Variants in ARVCF observed in about 807,000 individuals in gnomAD.
ARVCF encodes the protein ARVCF delta catenin family member.
A neutral mutation model predicts 90.9 loss-of-function variants in ARVCF; 66 were observed. The ratio of observed to expected loss-of-function variants is 0.73; its 90% CI spans 0.60 to 0.89. ARVCF has a LOEUF of 0.89. Ranked by LOEUF, ARVCF falls within the 40% of genes least tolerant of loss-of-function variation. The probability of loss-of-function intolerance (pLI) is 0.00; values close to 1 mark genes in which losing one functional copy is unlikely to be tolerated. For synonymous variants in ARVCF, 653 were observed against 603.4 expected (o/e 1.08, Z -1.21); for missense variants, 1,469 against 1,382.3 (o/e 1.06, Z -1.00).
intron 2 of ARVCF, among the ~76,000 whole-genome samples, chr22:19,992,119 C>T (rs1050387150): frequency 2.6e-5 from 4 of 152,210 alleles, no homozygotes; most frequent in Admixed American, 2.0e-4. Context: ...GACATGGGTG[C>T]ACCTCATAGG....
At chr22:19,972,024 G>A (rs1942837331) in intron 17 of ARVCF, 53 bp from the exon 18 acceptor site, 1 of 1,485,336 alleles carries the variant, frequency 6.7e-7, no homozygotes, top group Non-Finnish European at 9.2e-7. Flanking sequence ...AGGCCCTGTA[G>A]GAGCAGATCT....
rs1366042183 is a variant in ARVCF at position 19,980,084 on chromosome 22, T to C, written c.1055A>G (p.Glu352Gly). 1.9e-6 allele frequency: 3 copies of C among 1,583,524 alleles called. No individual in the cohort carries two copies. Among genetic ancestry groups the C allele is most frequent in the African/African-American group, 2.7e-5 (2 of 74,312 alleles). The change falls in exon 6 of 20, where the codon GAG becomes GGG. Residue 352 changes from glutamate (E) to glycine (G), a missense_variant. Physicochemically the swap from Glu to Gly is moderately conservative, Grantham distance 98. Transcript: ENST00000263207. ...RSPSVDSARK[E>G]PRWRDPELPE... Reference sequence around the variant, plus strand: ...CAGCTCAGGGTCCCGCCAGCGCGGCTCCTTGCGGGCGCTATCCACTGAGGG... The same window carrying C: ...CAGCTCAGGGTCCCGCCAGCGCGGCCCCTTGCGGGCGCTATCCACTGAGGG...
chr22:19,973,730 G>A lies in ARVCF; in HGVS notation c.2152C>T (p.Leu718=). ...ACCACCTTGTCGGTCTCAGACTGCA[G>A]CAGTTCCACAAGCACCGGCAGCCCG... ...ERGLPVLVEL[L]QSETDKVVRA... is the part of the protein sequence containing the mutation. The change falls in exon 13 of 20, where the codon CTG becomes TTG. Residue 718 remains leucine, a synonymous_variant. Transcript: ENST00000263207. 1 of 1,609,564 alleles carries A rather than the reference G, an allele frequency of 6.2e-7. No individual in the cohort carries two copies. The highest frequency in any genetic ancestry group is 8.5e-7 in the Non-Finnish European group (1 of 1,179,920).
chr22:20,000,994 G>C (rs2159268), intron 2 of ARVCF, among the ~76,000 whole-genome samples: 139,029 of 152,234 alleles, frequency 0.91, 64,077 homozygotes, highest in African/African-American at 0.98. Flanking sequence ...AGCACACCCA[G>C]GCACAGGGAC....
At chr22:19,997,484 G>A (rs761426450) in intron 2 of ARVCF, among the ~76,000 whole-genome samples, 1 of 152,228 alleles carries the variant, frequency 6.6e-6, no homozygotes, top group Non-Finnish European at 1.5e-5. Flanking sequence ...GGAGACATGA[G>A]ATGGGGTGGA....
intron 10 of ARVCF, among the ~76,000 whole-genome samples, chr22:19,976,490 T>G (rs2146272306): frequency 6.6e-6 from 1 of 152,172 alleles, no homozygotes; most frequent in South Asian, 2.1e-4. Flanking sequence ...CCCCGGGCCC[T>G]GCCCACTCTT....
intron 7 of ARVCF, 83 bp downstream of exon 7, chr22:19,978,814 C>T (rs896434654): frequency 6.9e-5 from 102 of 1,484,598 alleles, no homozygotes; most frequent in Middle Eastern, 2.5e-4. Context: ...CTCCTAAGCT[C>T]GCCGCCATCT....
At chr22:19,998,196 G>A (rs947377272) in intron 2 of ARVCF, among the ~76,000 whole-genome samples, 2 of 152,222 alleles carry the variant, frequency 1.3e-5, no homozygotes, top group African/African-American at 2.4e-5. Flanking sequence ...CACCACGCTG[G>A]CCACCAGCCT....
intron 3 of ARVCF, among the ~76,000 whole-genome samples, chr22:19,985,494 C>T (rs781662036): frequency 1.3e-5 from 2 of 152,252 alleles, no homozygotes; most frequent in African/African-American, 4.8e-5. Context: ...GGCCCCATCA[C>T]GCACCTTCGG....
chr22:19,976,808 T>A, intron 9 of ARVCF, 85 bp from the exon 10 acceptor site: 9 of 1,481,484 alleles, frequency 6.1e-6, no homozygotes, highest in Non-Finnish European at 8.3e-6. Context: ...CCCGGAAGCC[T>A]CAGGTTCCCA....
At chr22:20,004,531 C>A (rs1944553646) in intron 2 of ARVCF, among the ~76,000 whole-genome samples, 1 of 151,664 alleles carries the variant, frequency 6.6e-6, no homozygotes, top group Non-Finnish European at 1.5e-5. Context: ...ACATTGTTTG[C>A]AGAAACAGAG....
At chr22:19,982,173 C>G (rs2240716) in intron 3 of ARVCF, 82 bp from the exon 4 acceptor site, 2 of 1,545,318 alleles carry the variant, frequency 1.3e-6, no homozygotes, top group African/African-American at 1.4e-5. Context: ...AGCAGCTCTG[C>G]CTCAGCTCAT....
At chr22:19,979,104 T>C in intron 6 of ARVCF, 24 bp from the exon 7 acceptor site, 1 of 1,599,686 alleles carries the variant, frequency 6.3e-7, no homozygotes, top group Non-Finnish European at 8.5e-7. Flanking sequence ...TTGGCCAATC[T>C]GTGCTGACCA....
chr22:19,971,245 C>A lies in ARVCF; in HGVS notation c.2872G>T (p.Val958Phe). 1 of 1,555,286 alleles carries A rather than the reference C, an allele frequency of 6.4e-7. No homozygotes were observed. The highest frequency in any genetic ancestry group is 8.7e-7 in the Non-Finnish European group (1 of 1,148,648). Residue 958 changes from valine (V) to phenylalanine (F), a missense_variant, in exon 19 of 20, where the codon GTT (valine) becomes TTT (phenylalanine). Coordinates refer to ENST00000263207, the MANE Select transcript of ARVCF (RefSeq NM_001670.3). ...CATGCAAGCTAGACCCAGGAATCAACGGGCTGAGGCTTAGCGTCCCCTACG... is the reference window on the plus strand; with the variant it reads ...CATGCAAGCTAGACCCAGGAATCAAAGGGCTGAGGCTTAGCGTCCCCTACG... ...DAVGDAKPQP[V>F]DSWV
chr22:19,998,785 C>A (rs1601657560), intron 2 of ARVCF, among the ~76,000 whole-genome samples: 2 of 152,164 alleles, frequency 1.3e-5, no homozygotes. Flanking sequence ...AGGCAGGGGC[C>A]GTGAGACGGC....
intron 13 of ARVCF, 31 bp from the exon 14 acceptor site, chr22:19,973,348 C>G: frequency 6.4e-7 from 1 of 1,554,960 alleles, no homozygotes; most frequent in Non-Finnish European, 8.7e-7. Context: ...TCAGAACACA[C>G]CTCTGCCCCA....
At chr22:19,980,727 G>T in intron 5 of ARVCF, 1 of 183,850 alleles carries the variant, frequency 5.4e-6, no homozygotes, top group Non-Finnish European at 1.1e-5. Flanking sequence ...CCAGCCCCTT[G>T]GGGCACAAGA....
At chr22:19,977,055 G>C (rs1943197129) in intron 9 of ARVCF, among the ~76,000 whole-genome samples, 1 of 152,210 alleles carries the variant, frequency 6.6e-6, no homozygotes, top group South Asian at 2.1e-4. Context: ...CCCACAGGTT[G>C]GTGGCAGTCT....
intron 2 of ARVCF, among the ~76,000 whole-genome samples, chr22:20,004,939 A>G (rs1272332577): frequency 6.6e-6 from 1 of 152,232 alleles, no homozygotes; most frequent in Non-Finnish European, 1.5e-5. Context: ...TAAAACTCTT[A>G]GAAGAAAATA....
Sources: allele counts gnomAD v4.1 joint callset (sites outside exome capture counted in the v4.1 genomes callset), GRCh38; gene constraint gnomAD v4.1.1; transcripts MANE v1.5; gene names NCBI Gene and HGNC (gene_info 2026-07-23, HGNC 2026-07-21).